ABCB11: variants seen among roughly 807,000 people sequenced by gnomAD.
ABCB11 encodes ATP binding cassette subfamily B member 11.
ABCB11 carries 95 observed loss-of-function variants against 148.0 expected under a neutral mutation model. The observed-to-expected ratio is 0.64, with a 90% CI of 0.54 to 0.76. ABCB11 has a LOEUF of 0.76. Among genes scored for constraint, ABCB11 ranks in the 30% least tolerant of loss-of-function variants. ABCB11 has a pLI of 0.00. For missense variants in ABCB11, 1,523 were observed against 1,617.8 expected, an observed-to-expected ratio of 0.94 and a Z score of 1.01; for synonymous variants, 591 against 555.4, an observed-to-expected ratio of 1.06 and a Z score of -0.90.
In ABCB11 at chr2:168,940,762, C is replaced by T. The variant is rs563460406; in HGVS notation, c.2610+3843G>A. On this transcript the variant is annotated intron_variant, in intron 21 of 27. Transcript: ENST00000650372. ...AAGTCAATGCCTGACTTCAAACTTA[C>T]GAAAAATAGGCTGACTCTCTTGTTA... is the stretch of plus-strand genomic sequence containing the variant. Among the ~76,000 whole-genome samples the T allele has an allele frequency of 1.4e-4, 21 of 152,064 alleles. No homozygotes were observed. In the South Asian group the frequency reaches 1.5e-3, roughly 11 times the overall value.
intron 17 of ABCB11, 50 bp from the exon 18 acceptor site, chr2:168,964,358 G>T: frequency 1.4e-6 from 2 of 1,427,400 alleles, no homozygotes; most frequent in Non-Finnish European, 1.9e-6. Context: ...CCAGATTGGA[G>T]CAGGATCAAC....
At chr2:168,982,530 T>C (rs773388697) in intron 10 of ABCB11, among the ~76,000 whole-genome samples, 27 of 152,154 alleles carry the variant, frequency 1.8e-4, no homozygotes, top group Non-Finnish European at 2.8e-4. Flanking sequence ...CCTTCATCTT[T>C]CCCTACCAGA....
intron 25 of ABCB11, 110 bp downstream of exon 25, chr2:168,930,555 T>C (rs566881524): frequency 1.2e-6 from 1 of 851,112 alleles, no homozygotes; most frequent in East Asian, 3.0e-5. Context: ...GTAAGTGCCT[T>C]AGGCAAGCAT....
chr2:169,015,677 C>A (rs890735294), intron 3 of ABCB11, among the ~76,000 whole-genome samples: 1 of 152,140 alleles, frequency 6.6e-6, no homozygotes, highest in Non-Finnish European at 1.5e-5. Flanking sequence ...CCCCACCCCC[C>A]ACGCACCATT....
intron 23 of ABCB11, among the ~76,000 whole-genome samples, 185 bp downstream of exon 23, chr2:168,934,999 T>C (rs1362555148): frequency 6.6e-6 from 1 of 152,222 alleles, no homozygotes; most frequent in East Asian, 1.9e-4. Flanking sequence ...GAAGCCTGAC[T>C]GAGTCAGCCC....
chr2:168,924,853 G>A, intron 26 of ABCB11, 50 bp from the exon 27 acceptor site: 2 of 1,535,810 alleles, frequency 1.3e-6, no homozygotes, highest in Non-Finnish European at 8.9e-7. Context: ...TATTGCTCCT[G>A]TGCTGTACTG....
chr2:168,952,385 A>C (rs780993362), intron 19 of ABCB11, among the ~76,000 whole-genome samples: 1 of 151,014 alleles, frequency 6.6e-6, no homozygotes, highest in Non-Finnish European at 1.5e-5. Flanking sequence ...GAAATTTTTT[A>C]TTACTGACTC....
chr2:169,021,556 A>C (rs1695540049), intron 1 of ABCB11, among the ~76,000 whole-genome samples: 1 of 152,130 alleles, frequency 6.6e-6, no homozygotes, highest in Non-Finnish European at 1.5e-5. Flanking sequence ...ACTTTATTAG[A>C]AACTGATAAA....
chr2:168,999,452 C>T (rs954602871), intron 5 of ABCB11, among the ~76,000 whole-genome samples: 2 of 152,028 alleles, frequency 1.3e-5, no homozygotes, highest in African/African-American at 4.8e-5. Context: ...AAGACTCCCT[C>T]ATATTGTCCT....
intron 10 of ABCB11, among the ~76,000 whole-genome samples, chr2:168,980,270 C>T (rs1295789243): frequency 1.3e-5 from 2 of 152,068 alleles, no homozygotes; most frequent in African/African-American, 4.8e-5. Flanking sequence ...AGCAAGGTAG[C>T]CTGTAGACCC....
At chr2:168,984,492 T>G (rs1694247988) in intron 10 of ABCB11, among the ~76,000 whole-genome samples, 2 of 152,168 alleles carry the variant, frequency 1.3e-5, no homozygotes, top group East Asian at 3.9e-4. Context: ...TTAGCACAAG[T>G]GAGCAATAAA....
chr2:168,954,244 G>T (rs1692690409), intron 19 of ABCB11, among the ~76,000 whole-genome samples: 1 of 118,498 alleles, frequency 8.4e-6, no homozygotes. Flanking sequence ...TGTCTTTGTA[G>T]TTTGATGAAA....
intron 1 of ABCB11, among the ~76,000 whole-genome samples, chr2:169,025,847 G>T (rs1167171674): frequency 6.6e-6 from 1 of 152,224 alleles, no homozygotes; most frequent in Non-Finnish European, 1.5e-5. Flanking sequence ...TGCACCAAGG[G>T]TGAACACACT....
chr2:168,984,252 C>G (rs1049299221), intron 10 of ABCB11, among the ~76,000 whole-genome samples: 1 of 152,100 alleles, frequency 6.6e-6, no homozygotes, highest in African/African-American at 2.4e-5. Context: ...TATAGCATGT[C>G]TCTATTTGTC....
chr2:168,975,757 C>CAT (rs1045201962), intron 12 of ABCB11, among the ~76,000 whole-genome samples: 16 of 144,698 alleles, frequency 1.1e-4, no homozygotes, highest in Admixed American at 6.4e-4. Context: ...ATATATATAT[C>CAT]ATATATATAT....
chr2:169,009,416 A>T (rs1277234669), intron 5 of ABCB11, among the ~76,000 whole-genome samples: 1 of 152,088 alleles, frequency 6.6e-6, no homozygotes, highest in Non-Finnish European at 1.5e-5. Context: ...TGATGAGTTC[A>T]TGTCCTTTGT....
intron 21 of ABCB11, among the ~76,000 whole-genome samples, chr2:168,943,164 T>C (rs1310484999): frequency 6.6e-6 from 1 of 151,960 alleles, no homozygotes; most frequent in East Asian, 1.9e-4. Flanking sequence ...TCCTTGCAGA[T>C]TGAAGGCCAC....
At chr2:169,024,090 C>T (rs914768862) in intron 1 of ABCB11, among the ~76,000 whole-genome samples, 4 of 151,956 alleles carry the variant, frequency 2.6e-5, no homozygotes, top group East Asian at 3.9e-4. Context: ...TAACGCATGC[C>T]GGGCTTAATA....
chr2:168,927,398 T>C (rs1559176729), intron 25 of ABCB11, 36 bp from the exon 26 acceptor site: 1 of 1,566,788 alleles, frequency 6.4e-7, no homozygotes, highest in South Asian at 1.1e-5. Flanking sequence ...ATTAGGTTTT[T>C]AGAATTCCAG....
Sources: gnomAD v4.1 joint callset for allele counts (sites outside exome capture counted in the v4.1 genomes callset) on GRCh38, gnomAD v4.1.1 for gene constraint, MANE v1.5 for transcripts, NCBI Gene and HGNC (gene_info 2026-07-23, HGNC 2026-07-21) for gene names.